The following MGAT4D variants were observed in gnomAD, a reference collection of about 807,000 sequenced individuals.
The protein encoded by MGAT4D is MGAT4 family member D.
MGAT4D carries 34 observed loss-of-function variants against 15.9 expected under a neutral mutation model. The observed-to-expected ratio is 2.14, with a 90% confidence interval of 1.62 to 2.84. MGAT4D has a LOEUF of 2.84. Ranked by LOEUF, MGAT4D falls within the 30% of genes most tolerant of loss-of-function variation. The pLI, the probability that MGAT4D is intolerant of heterozygous loss-of-function variation, is 0.00. For missense variants in MGAT4D, 327 were observed against 140.2 expected (o/e 2.33, Z -6.73); for synonymous variants, 112 against 48.2 (o/e 2.33, Z -5.49).
At chr4:140,450,381 A>C (rs1730397164) in intron 10 of MGAT4D, among the ~76,000 whole-genome samples, 1 of 152,242 alleles carries the variant, frequency 6.6e-6, no homozygotes. Flanking sequence ...GTATAGACCA[A>C]TCTATTTCTG....
chr4:140,457,708 CAG>C (rs2126708027), intron 8 of MGAT4D: 1 of 152,266 alleles, frequency 6.6e-6, no homozygotes, highest in African/African-American at 2.4e-5. Context: ...CTCTTGTGAT[CAG>C]AATGTAAGCA....
intron 9 of MGAT4D, among the ~76,000 whole-genome samples, chr4:140,456,135 A>C (rs1299377188): frequency 2.6e-5 from 4 of 152,142 alleles, no homozygotes; most frequent in Non-Finnish European, 4.4e-5. Context: ...GAGTCTCAAT[A>C]AATAAATAAA....
At position 140,443,309 on chromosome 4, in the gene MGAT4D, G is replaced by T. The variant is rs760195467; in HGVS notation, c.*127C>A. ...TCATTTAGTACTTTCAAGTCTACTA[G>T]TTTATGCATTGTTTACTTATCTGCT... is the stretch of plus-strand genomic sequence containing the variant. On this transcript the variant is annotated 3_prime_UTR_variant, in exon 11 of 11. Coordinates refer to ENST00000511113, the MANE Select transcript of MGAT4D (RefSeq NM_001277353.2). The T allele has an allele frequency of 5.7e-6, 2 of 352,654 alleles. No homozygotes were observed. Among genetic ancestry groups the T allele is most frequent in the Non-Finnish European group, 1.0e-5 (2 of 196,908 alleles). 21.8% of individuals were successfully genotyped at this position (352,654 alleles called of 1,614,324 possible).
intron 7 of MGAT4D, among the ~76,000 whole-genome samples, chr4:140,460,971 C>G (rs1731135150): frequency 6.6e-6 from 1 of 152,174 alleles, no homozygotes; most frequent in South Asian, 2.1e-4. Context: ...AACCAGCACT[C>G]TCATCCACAA....
rs117691372 is a variant in MGAT4D at position 140,498,019 on chromosome 4, G to A, written c.94+110C>T. ...CCCAGTGCCAGCGCGGGCGGCCGCC[G>A]CCAGCTTCCCGCATCGCCTCCGCAC... On this transcript the variant is annotated intron_variant, in intron 1 of 10. Transcript: ENST00000511113. 0.021 allele frequency: 11,327 copies of A among 549,994 alleles called. 953 individuals carry two copies. In the East Asian group the frequency reaches 0.23, roughly 11 times the overall value. The allele number at this position is 549,994 out of a possible 1,614,324, so 34.1% of individuals were successfully genotyped here. A position where few individuals can be genotyped will look rare whatever the true frequency, so the allele number is the denominator to read the frequency against.
intron 9 of MGAT4D, among the ~76,000 whole-genome samples, chr4:140,455,260 G>A (rs180739619): frequency 6.0e-4 from 92 of 152,190 alleles, no homozygotes; most frequent in Non-Finnish European, 2.2e-4. Flanking sequence ...TTCCAGAAGC[G>A]TTGTAACACT....
intron 10 of MGAT4D, among the ~76,000 whole-genome samples, chr4:140,450,493 C>A (rs971612139): frequency 3.9e-5 from 6 of 152,174 alleles, no homozygotes; most frequent in African/African-American, 1.4e-4. Context: ...TCTTGTTGGA[C>A]ACATTTTCTT....
chr4:140,485,839 A>AAAAAAAAAAAAAAAAAAAAAAAAAC (rs1733083886), intron 1 of MGAT4D, among the ~76,000 whole-genome samples: 1 of 140,350 alleles, frequency 7.1e-6, no homozygotes, highest in Non-Finnish European at 1.6e-5. Context: ...AAAAAAAAAA[A>AAAAAAAAAAAAAAAAAAAAAAAAAC]AAAAAAAAAG....
chr4:140,463,504 G>A (rs868081166), intron 6 of MGAT4D, among the ~76,000 whole-genome samples: 7 of 152,018 alleles, frequency 4.6e-5, no homozygotes, highest in Admixed American at 1.3e-4. Flanking sequence ...ATCCCTGCTC[G>A]TAGGGTTGCC....
intron 4 of MGAT4D, among the ~76,000 whole-genome samples, chr4:140,474,093 A>G (rs1158902782): frequency 6.6e-6 from 1 of 152,230 alleles, no homozygotes; most frequent in Non-Finnish European, 1.5e-5. Flanking sequence ...ATACATTTAA[A>G]TTTAACACAC....
chr4:140,450,646 G>T (rs1730414769), intron 10 of MGAT4D, among the ~76,000 whole-genome samples: 1 of 152,196 alleles, frequency 6.6e-6, no homozygotes, highest in Non-Finnish European at 1.5e-5. Context: ...ATGGGAAGAT[G>T]TATACGTCTA....
At chr4:140,443,520 T>C (rs185525205) in intron 10 of MGAT4D, 76 bp from the exon 11 acceptor site, 29 of 465,406 alleles carry the variant, frequency 6.2e-5, no homozygotes, top group Middle Eastern at 1.2e-3. Context: ...TTCATAGCAA[T>C]TTCTTAATCA....
At chr4:140,471,227 T>TTCC (rs1225560660) in intron 5 of MGAT4D, among the ~76,000 whole-genome samples, 2 of 133,686 alleles carry the variant, frequency 1.5e-5, no homozygotes, top group Non-Finnish European at 3.3e-5. Context: ...CTCCTTTTTG[T>TTCC]TTCCTTCCTT....
At chr4:140,452,979 T>C (rs192541447) in intron 9 of MGAT4D, among the ~76,000 whole-genome samples, 10 of 152,282 alleles carry the variant, frequency 6.6e-5, no homozygotes, top group African/African-American at 2.2e-4. Context: ...ATGGCACCAA[T>C]TGATCCAGTA....
intron 10 of MGAT4D, among the ~76,000 whole-genome samples, chr4:140,447,199 G>T (rs2126664552): frequency 6.6e-6 from 1 of 152,186 alleles, no homozygotes; most frequent in Middle Eastern, 3.4e-3. Flanking sequence ...GGGGCAGAGA[G>T]TTCTGTAGGT....
intron 10 of MGAT4D, among the ~76,000 whole-genome samples, chr4:140,444,211 T>G (rs1166780458): frequency 6.6e-6 from 1 of 151,980 alleles, no homozygotes; most frequent in African/African-American, 2.4e-5. Context: ...AGTTAAAGTA[T>G]TTTTTTTAAA....
At chr4:140,459,978 C>T (rs1245141147) in intron 7 of MGAT4D, among the ~76,000 whole-genome samples, 1 of 152,012 alleles carries the variant, frequency 6.6e-6, no homozygotes, top group Admixed American at 6.5e-5. Context: ...AGCGATCCTC[C>T]TGCCTTGGCC....
chr4:140,458,110 T>A (rs141142674), intron 8 of MGAT4D: 245 of 152,324 alleles, frequency 1.6e-3, no homozygotes, highest in African/African-American at 5.7e-3. Context: ...AACCAATCTG[T>A]AAAGCAATTG....
chr4:140,470,037 C>T (rs1013931739), intron 5 of MGAT4D, among the ~76,000 whole-genome samples: 22 of 152,268 alleles, frequency 1.4e-4, no homozygotes, highest in African/African-American at 4.8e-4. Context: ...CCTCCTCTTT[C>T]AGCTCCCGCG....
Sources: gnomAD v4.1 joint callset for allele counts (sites outside exome capture counted in the v4.1 genomes callset) on GRCh38, gnomAD v4.1.1 for gene constraint, MANE v1.5 for transcripts, NCBI Gene and HGNC (gene_info 2026-07-23, HGNC 2026-07-21) for gene names.